The following ENO4 variants were observed in gnomAD, a reference collection of about 807,000 sequenced individuals.
ENO4 encodes the protein 2-phospho-D-glycerate hydro-lyase.
ENO4 carries 53 observed loss-of-function variants against 63.2 expected under a neutral mutation model. That is an observed-to-expected ratio of 0.84 (90% CI 0.67 to 1.05). The LOEUF is 1.05. ENO4 is among the 50% of genes least tolerant of loss of function. The pLI is 0.00. For missense variants in ENO4, 719 were observed against 772.0 expected, an observed-to-expected ratio of 0.93 and a Z score of 0.81; for synonymous variants, 266 against 283.8, an observed-to-expected ratio of 0.94 and a Z score of 0.63.
downstream of ENO4, chr10:116,884,207 T>C (rs949992386): frequency 5.3e-5 from 24 of 456,968 alleles, no homozygotes; most frequent in Admixed American, 4.9e-4. Context: ...CTTGCAGATA[T>C]AAGCACGGTT....
intron 10 of ENO4, among the ~76,000 whole-genome samples, chr10:116,888,611 C>T (rs1341878416): frequency 6.6e-6 from 1 of 152,174 alleles, no homozygotes; most frequent in African/African-American, 2.4e-5. Context: ...AAGCAGGAGC[C>T]TTCCCCAAGG....
intron 10 of ENO4, among the ~76,000 whole-genome samples, chr10:116,888,161 G>A (rs1847222200): frequency 6.6e-6 from 1 of 152,198 alleles, no homozygotes; most frequent in African/African-American, 2.4e-5. Flanking sequence ...AGGCTGTGCT[G>A]TAGTGAGGAC....
At position 116,898,828 on chromosome 10, in the gene ENO4, T is replaced by C. The variant is rs533034148; in HGVS notation, c.1195-12671T>C. On this transcript the variant is annotated intron_variant, in intron 10 of 10. Coordinates refer to the ENO4 transcript ENST00000369207. The stretch of plus-strand genomic sequence containing the variant: ...TGTTAATTTTAATTAATCCTTATAA[T>C]TAAGCATTAAAAGTGTTTCTTGCTT... Among the ~76,000 whole-genome samples, 112 of 152,354 alleles carry C rather than the reference T, an allele frequency of 7.4e-4. No individual in the cohort carries two copies. The South Asian group carries it at 7.7e-3, about 10-fold the overall frequency.
chr10:116,884,344 T>C, downstream of ENO4: 1 of 438,692 alleles, frequency 2.3e-6, no homozygotes, highest in Non-Finnish European at 4.7e-6. Context: ...AGTGAATATC[T>C]TCCATCAAAT....
rs1474638474 is a variant in ENO4 at position 116,876,095 on chromosome 10, G to A, written c.1372G>A (p.Ala458Thr). ...TGAACAGTGGGACAGCATCTATCAC[G>A]CACTTGGTTCCAGGTGTTACATAAT... ...DSEQWDSIYH[A>T]LGSRCYIIAG... The change falls in exon 11 of 14, where the codon GCA (alanine) becomes ACA (threonine). Residue 458 changes from alanine (A) to threonine (T), a missense_variant. Physicochemically the swap from Ala to Thr is moderately conservative, Grantham distance 58. Coordinates refer to ENST00000341276, the MANE Select transcript of ENO4 (RefSeq NM_001242699.2). 1.5e-5 allele frequency: 24 copies of A among 1,549,140 alleles called. 1 individual carries two copies. Among genetic ancestry groups the A allele is most frequent in the East Asian group, 7.3e-5 (3 of 40,902 alleles).
chr10:116,900,658 T>C lies in ENO4; in HGVS notation c.1195-10841T>C, dbSNP rs187526181. Reference sequence around the variant, plus strand: ...GGATATTGGTTCAAATGTAGCCAGATTGTTGATGTCAAATTAGGTGTTAAA... The same window carrying C: ...GGATATTGGTTCAAATGTAGCCAGACTGTTGATGTCAAATTAGGTGTTAAA... On this transcript the variant is annotated intron_variant, in intron 10 of 10. Transcript: ENST00000369207. 1.4e-3 allele frequency: 2,018 copies of C among 1,492,366 alleles called. 3 individuals carry two copies. Among genetic ancestry groups the C allele is most frequent in the Non-Finnish European group, 1.7e-3 (1,895 of 1,126,618 alleles). The allele number at this position is 1,492,366 out of a possible 1,614,324, so 92.4% of individuals were successfully genotyped here.
At chr10:116,860,557 A>T (rs1210341256) in intron 4 of ENO4, among the ~76,000 whole-genome samples, 1 of 152,236 alleles carries the variant, frequency 6.6e-6, no homozygotes, top group Admixed American at 6.5e-5. Flanking sequence ...TATCTACCTC[A>T]TATGATTGAT....
intron 10 of ENO4, chr10:116,900,602 A>G: frequency 6.5e-7 from 1 of 1,530,070 alleles, no homozygotes. Flanking sequence ...ATCAGAAACT[A>G]ACTTGTCTCA....
chr10:116,876,017 A>T, intron 10 of ENO4, 48 bp from the exon 11 acceptor site: 1 of 1,334,184 alleles, frequency 7.5e-7, no homozygotes, highest in Non-Finnish European at 1.0e-6. Flanking sequence ...GTTGTTTTGT[A>T]ATTATGTTCA....
chr10:116,882,748 C>G (rs1293166262), downstream of ENO4: 1 of 152,148 alleles, frequency 6.6e-6, no homozygotes, highest in Non-Finnish European at 1.5e-5. Context: ...ACTCTTTATT[C>G]TCAAAGCTAT....
intron 12 of ENO4, 21 bp downstream of exon 12, chr10:116,879,379 A>G: frequency 6.6e-7 from 1 of 1,523,808 alleles, no homozygotes. Flanking sequence ...AATGCTGGTC[A>G]ACTGCCAAAC....
chr10:116,854,908 T>C (rs1251620941), intron 1 of ENO4, among the ~76,000 whole-genome samples: 1 of 116,394 alleles, frequency 8.6e-6, no homozygotes, highest in Non-Finnish European at 1.6e-5. Context: ...GCCACTGCTC[T>C]CCAGCCTGGC....
chr10:116,860,687 T>G, intron 4 of ENO4, 107 bp from the exon 5 acceptor site: 1 of 836,880 alleles, frequency 1.2e-6, no homozygotes, highest in South Asian at 4.9e-5. Context: ...AGGTAGAGCA[T>G]TTGTTGTTCC....
downstream of ENO4, chr10:116,884,587 T>G (rs1589770736): frequency 9.3e-6 from 2 of 214,106 alleles, no homozygotes; most frequent in East Asian, 2.5e-4. Context: ...ATTTTTATAT[T>G]CCTAAATGTG....
intron 10 of ENO4, among the ~76,000 whole-genome samples, chr10:116,911,068 C>A (rs999294520): frequency 1.3e-5 from 2 of 152,158 alleles, no homozygotes; most frequent in African/African-American, 4.8e-5. Flanking sequence ...ACTTACTGTG[C>A]ATAATAACTG....
At chr10:116,901,749 G>C (rs1361694418) in intron 10 of ENO4, 1 of 1,570,950 alleles carries the variant, frequency 6.4e-7, no homozygotes, top group Non-Finnish European at 8.6e-7. Flanking sequence ...ACTTAGTAAA[G>C]AGCATCGTTA....
At chr10:116,886,482 A>T, downstream of ENO4, 2 of 1,614,158 alleles carry the variant, frequency 1.2e-6, no homozygotes, top group Non-Finnish European at 1.7e-6. Context: ...GTTCATGTGT[A>T]GAAACAGGAT....
intron 7 of ENO4, 114 bp from the exon 8 acceptor site, chr10:116,868,536 C>A (rs1272814519): frequency 2.4e-6 from 2 of 838,694 alleles, no homozygotes; most frequent in Non-Finnish European, 4.0e-6. Context: ...TGTATGTGTG[C>A]ACACGTGTGT....
At chr10:116,891,363 G>A (rs1305010123) in intron 10 of ENO4, among the ~76,000 whole-genome samples, 1 of 152,216 alleles carries the variant, frequency 6.6e-6, no homozygotes. Context: ...TCAAAGTATA[G>A]TTCTTCTCTG....
Sources: gnomAD v4.1 joint callset for allele counts (sites outside exome capture counted in the v4.1 genomes callset) on GRCh38, gnomAD v4.1.1 for gene constraint, MANE v1.5 for transcripts, NCBI Gene and HGNC (gene_info 2026-07-23, HGNC 2026-07-21) for gene names.